The following RAB28 variants were observed in gnomAD, a reference collection of about 807,000 sequenced individuals.
RAB28 encodes the protein RAB28, member RAS oncogene family.
In RAB28, 24 loss-of-function variants were observed where a neutral mutation model predicts 31.7. The observed-to-expected ratio is 0.76, with a 90% CI of 0.55 to 1.06. The LOEUF is 1.06. Ranked by LOEUF, RAB28 falls within the 50% of genes least tolerant of loss-of-function variation. RAB28 has a pLI of 0.00. For synonymous variants in RAB28, 100 were observed against 90.4 expected, an observed-to-expected ratio of 1.11 and a Z score of -0.60; for missense variants, 254 against 258.5, an observed-to-expected ratio of 0.98 and a Z score of 0.12.
At chr4:13,454,202 C>A (rs970716751) in intron 4 of RAB28, among the ~76,000 whole-genome samples, 2 of 151,966 alleles carry the variant, frequency 1.3e-5, no homozygotes, top group Non-Finnish European at 2.9e-5. Flanking sequence ...TGGGTTATAT[C>A]CATCTCTCTG....
intron 6 of RAB28, among the ~76,000 whole-genome samples, chr4:13,373,664 A>G (rs1285820041): frequency 2.0e-5 from 3 of 152,166 alleles, no homozygotes; most frequent in Admixed American, 6.5e-5. Flanking sequence ...CTCATTTTAT[A>G]TAACTCCCAA....
intron 4 of RAB28, among the ~76,000 whole-genome samples, chr4:13,424,502 C>A (rs1233639370): frequency 6.6e-6 from 1 of 152,180 alleles, no homozygotes; most frequent in Non-Finnish European, 1.5e-5. Context: ...CTCATCTTAA[C>A]TTGATTACAT....
At chr4:13,368,763 T>A in intron 6 of RAB28, 113 bp from the exon 7 acceptor site, 1 of 807,314 alleles carries the variant, frequency 1.2e-6, no homozygotes, top group Non-Finnish European at 1.8e-6. Flanking sequence ...ATGGACACCA[T>A]AAATGAAGCA....
At chr4:13,454,467 T>C (rs1475652359) in intron 4 of RAB28, among the ~76,000 whole-genome samples, 1 of 152,158 alleles carries the variant, frequency 6.6e-6, no homozygotes, top group Admixed American at 6.5e-5. Flanking sequence ...CTCTTCTAAT[T>C]TTATGGAGTA....
chr4:13,411,908 GA>G (rs1037927779), intron 4 of RAB28, among the ~76,000 whole-genome samples: 4 of 149,020 alleles, frequency 2.7e-5, no homozygotes, highest in African/African-American at 9.9e-5. Context: ...AACAGGCAAA[GA>G]AAAAACACAA....
intron 4 of RAB28, among the ~76,000 whole-genome samples, chr4:13,387,032 G>A (rs1729400941): frequency 6.6e-6 from 1 of 152,018 alleles, no homozygotes; most frequent in African/African-American, 2.4e-5. Flanking sequence ...TTATAAGTAG[G>A]AGAAAAATGA....
intron 4 of RAB28, among the ~76,000 whole-genome samples, chr4:13,450,966 T>C (rs189119822): frequency 2.6e-5 from 4 of 151,922 alleles, no homozygotes; most frequent in Admixed American, 6.5e-5. Flanking sequence ...TCCCCTAACA[T>C]TGGTAAATTT....
chr4:13,381,858 A>G (rs1729147212), intron 4 of RAB28, among the ~76,000 whole-genome samples: 1 of 152,184 alleles, frequency 6.6e-6, no homozygotes, highest in Admixed American at 6.5e-5. Flanking sequence ...TGCTAAAAAA[A>G]AAATGTGCGC....
chr4:13,463,656 CA>C (rs35628586), intron 3 of RAB28, among the ~76,000 whole-genome samples: 11,048 of 151,834 alleles, frequency 0.073, 970 homozygotes, highest in African/African-American at 0.21. Flanking sequence ...CCAGGATTCA[CA>C]AAAAAATATA....
At chr4:13,398,572 A>G (rs1288388915) in intron 4 of RAB28, among the ~76,000 whole-genome samples, 1 of 152,084 alleles carries the variant, frequency 6.6e-6, no homozygotes, top group Admixed American at 6.5e-5. Context: ...AGGTCAGGAG[A>G]TAGAGACCAT....
intron 3 of RAB28, among the ~76,000 whole-genome samples, chr4:13,471,194 G>A: frequency 6.6e-6 from 1 of 152,012 alleles, no homozygotes; most frequent in East Asian, 1.9e-4. Flanking sequence ...GTATTCATGA[G>A]ATAGGTAATA....
intron 4 of RAB28, among the ~76,000 whole-genome samples, chr4:13,403,809 G>A (rs1711917619): frequency 6.6e-6 from 1 of 152,124 alleles, no homozygotes; most frequent in Non-Finnish European, 1.5e-5. Flanking sequence ...AAAATTGAAT[G>A]TGTGCAAATG....
chr4:13,390,689 A>G (rs1729587689), intron 4 of RAB28, among the ~76,000 whole-genome samples: 1 of 152,312 alleles, frequency 6.6e-6, no homozygotes, highest in African/African-American at 2.4e-5. Context: ...ACAACATGGT[A>G]CTACTACCAA....
intron 4 of RAB28, among the ~76,000 whole-genome samples, chr4:13,454,024 T>C (rs1232020373): frequency 2.7e-5 from 4 of 150,730 alleles, no homozygotes; most frequent in Non-Finnish European, 5.9e-5. Context: ...TTTTCTTCAT[T>C]TTTTTTCTTT....
chr4:13,422,607 G>A (rs945561570), intron 4 of RAB28, among the ~76,000 whole-genome samples: 1 of 152,138 alleles, frequency 6.6e-6, no homozygotes, highest in East Asian at 1.9e-4. Flanking sequence ...GCAGGGACAT[G>A]GACGAAGCTG....
chr4:13,436,718 T>C (rs1714133503), intron 4 of RAB28, among the ~76,000 whole-genome samples: 1 of 152,080 alleles, frequency 6.6e-6, no homozygotes, highest in Non-Finnish European at 1.5e-5. Context: ...CACAAATAAA[T>C]GGAAAAACAT....
At chr4:13,465,776 C>CACACACACAG (rs948534230) in intron 3 of RAB28, among the ~76,000 whole-genome samples, 1 of 151,520 alleles carries the variant, frequency 6.6e-6, no homozygotes, top group African/African-American at 2.4e-5. Context: ...CACACACACA[C>CACACACACAG]ACACACACAC....
intron 4 of RAB28, among the ~76,000 whole-genome samples, chr4:13,409,474 G>A (rs1310354788): frequency 6.6e-6 from 1 of 152,164 alleles, no homozygotes; most frequent in East Asian, 1.9e-4. Context: ...GATACCAAGG[G>A]TGACCTATGA....
intron 6 of RAB28, among the ~76,000 whole-genome samples, chr4:13,372,130 T>A (rs1157921972): frequency 1.3e-5 from 2 of 152,086 alleles, no homozygotes; most frequent in Non-Finnish European, 2.9e-5. Flanking sequence ...CCAACCACCA[T>A]CCCAGATATT....
Sources: allele counts gnomAD v4.1 joint callset (sites outside exome capture counted in the v4.1 genomes callset), GRCh38; gene constraint gnomAD v4.1.1; transcripts MANE v1.5; gene names NCBI Gene and HGNC (gene_info 2026-07-23, HGNC 2026-07-21).